The following PIK3R4 variants were observed in gnomAD, a reference collection of about 807,000 sequenced individuals.
PIK3R4 encodes the protein phosphoinositide-3-kinase regulatory subunit 4.
In PIK3R4, 46 loss-of-function variants were observed where a neutral mutation model predicts 136.5. The ratio of observed to expected loss-of-function variants is 0.34; its 90% CI spans 0.27 to 0.43. PIK3R4 has a LOEUF of 0.43. PIK3R4 is among the 20% of genes least tolerant of loss of function. The probability of loss-of-function intolerance (pLI) is 1.00; values close to 1 mark genes in which losing one functional copy is unlikely to be tolerated. For synonymous variants in PIK3R4, 557 were observed against 566.7 expected (o/e 0.98, Z 0.24); for missense variants, 1,331 against 1,649.5 (o/e 0.81, Z 3.35).
chr3:130,717,314 T>C (rs1261117025), intron 8 of PIK3R4, among the ~76,000 whole-genome samples: 1 of 152,066 alleles, frequency 6.6e-6, no homozygotes, highest in African/African-American at 2.4e-5. Context: ...ATGAAGCAAA[T>C]GAATAATTAG....
intron 2 of PIK3R4, 72 bp from the exon 3 acceptor site, chr3:130,736,074 G>A: frequency 7.9e-7 from 1 of 1,269,138 alleles, no homozygotes; most frequent in Non-Finnish European, 1.1e-6. Flanking sequence ...TGAGAACTCA[G>A]ACAGTTCATA....
rs546516700 is a variant in PIK3R4 at position 130,691,938 on chromosome 3, G to A, written c.3099-1284C>T. Among the ~76,000 whole-genome samples, 15 of 143,048 alleles carry A rather than the reference G, an allele frequency of 1.0e-4. No individual in the cohort carries two copies. The East Asian group carries it at 2.7e-3, about 26-fold the overall frequency. The allele number at this position is 143,048 out of a possible 152,430, so 93.8% of individuals were successfully genotyped here. ...CACCCAGGCTGGAGTGCAGTGGTGC[G>A]ATCTGGGCTCACCACAAGCTCTGCC... On this transcript the variant is annotated intron_variant, in intron 13 of 19. Transcript: ENST00000356763.
Position 130,733,886 on chromosome 3 carries a change from T to C in PIK3R4, c.1112A>G (p.Lys371Arg). ...TACCAAGATAACCAGCCCATTTTCC[T>C]TAGGCTCTCCTTCGGCTTTTTCTGG... ...DLPEKAEGEP[K>R]ENGLVILVSV... is the part of the protein sequence containing the mutation. Residue 371 changes from lysine (K) to arginine (R), a missense_variant, in exon 4 of 20, where the codon AAG (lysine) becomes AGG (arginine). Transcript: ENST00000356763. 1 of 1,614,166 alleles carries C rather than the reference T, an allele frequency of 6.2e-7. No individual in the cohort carries two copies. Among genetic ancestry groups the C allele is most frequent in the Non-Finnish European group, 8.5e-7 (1 of 1,179,978 alleles).
Position 130,744,746 on chromosome 3 carries a change from C to G in PIK3R4, c.473G>C (p.Ser158Thr). 6.2e-7 allele frequency: 1 copy of G among 1,614,242 alleles called. No homozygotes were observed. Among genetic ancestry groups the G allele is most frequent in the Non-Finnish European group, 8.5e-7 (1 of 1,180,044 alleles). ...DIKTENVMVT[S>T]WNWVLLTDFA... Reference sequence around the variant, plus strand: ...ATCAGTTAGAAGAACCCAATTCCAACTGGTGACCATCACATTCTCAGTCTT... The same window carrying G: ...ATCAGTTAGAAGAACCCAATTCCAAGTGGTGACCATCACATTCTCAGTCTT... The change falls in exon 2 of 20, where the codon AGT (serine) becomes ACT (threonine). Residue 158 changes from serine (S) to threonine (T), a missense_variant. Physicochemically the swap from Ser to Thr is moderately conservative, Grantham distance 58. Transcript: ENST00000356763.
chr3:130,694,093 C>CA (rs2107603403), intron 13 of PIK3R4, among the ~76,000 whole-genome samples: 1 of 152,126 alleles, frequency 6.6e-6, no homozygotes, highest in South Asian at 2.1e-4. Context: ...AGTTCTATAC[C>CA]ATGAATATAT....
chr3:130,680,911 G>A (rs1028116173), intron 18 of PIK3R4, 66 bp downstream of exon 18: 1 of 832,536 alleles, frequency 1.2e-6, no homozygotes, highest in Middle Eastern at 2.3e-4. Context: ...ACATTACAGT[G>A]CCATCAGTAT....
Position 130,734,051 on chromosome 3 carries a change from A to C in PIK3R4, c.947T>G (p.Phe316Cys). 6.2e-7 allele frequency: 1 copy of C among 1,614,158 alleles called. No individual in the cohort carries two copies. ...AAGAAAAGTGTAAAATATTTCAGGA[A>C]AGGCATTGCCACGCTGCTGTTTTAA... The part of the protein sequence containing the change: ...DYLKQQRGNA[F>C]PEIFYTFLQP... Residue 316 changes from phenylalanine to cysteine, a missense_variant, in exon 4 of 20, where the codon TTT becomes TGT. By Grantham distance (205) the Phe-to-Cys change is radical. Around this residue, in one of 2 missense-constraint regions of PIK3R4, gnomAD observed 1,180 missense variants for 1,407.0 expected, o/e 0.84. Coordinates refer to ENST00000356763, the MANE Select transcript of PIK3R4 (RefSeq NM_014602.3).
chr3:130,720,777 A>G (rs576674454), intron 7 of PIK3R4, among the ~76,000 whole-genome samples: 2 of 152,334 alleles, frequency 1.3e-5, no homozygotes, highest in African/African-American at 2.4e-5. Flanking sequence ...AAAAGCCCCA[A>G]TGAAGAGGGC....
intron 13 of PIK3R4, among the ~76,000 whole-genome samples, chr3:130,702,256 A>G (rs571306807): frequency 6.6e-6 from 1 of 152,238 alleles, no homozygotes; most frequent in Non-Finnish European, 1.5e-5. Flanking sequence ...TGGCAAGTAC[A>G]TGGATGTTCA....
chr3:130,693,504 G>A (rs2066529938), intron 13 of PIK3R4, among the ~76,000 whole-genome samples: 1 of 152,100 alleles, frequency 6.6e-6, no homozygotes, highest in South Asian at 2.1e-4. Context: ...TGGGTGTGAA[G>A]GAGTATCTCA....
chr3:130,697,454 G>A (rs1396736674), intron 13 of PIK3R4, among the ~76,000 whole-genome samples: 1 of 152,100 alleles, frequency 6.6e-6, no homozygotes, highest in African/African-American at 2.4e-5. Context: ...TAAATCTAAA[G>A]TGTGTCTATC....
At chr3:130,740,326 G>C (rs890854012) in intron 2 of PIK3R4, among the ~76,000 whole-genome samples, 1 of 152,186 alleles carries the variant, frequency 6.6e-6, no homozygotes, top group East Asian at 1.9e-4. Flanking sequence ...AATGCTATAA[G>C]AGACATTATT....
At chr3:130,705,806 G>A (rs4682629) in intron 11 of PIK3R4, 35 bp from the exon 12 acceptor site, 99,584 of 1,264,032 alleles carry the variant, frequency 0.079, 5,917 homozygotes, top group Admixed American at 0.28. Flanking sequence ...TATTTACGTC[G>A]TAAGCAAAGT....
In PIK3R4 at chr3:130,690,441, A is replaced by T. The variant is rs1187983057; in HGVS notation, c.3263+49T>A. ...GCAGGGTAGAAAGGAGACTTAAGGT[A>T]CTGTAGTGCACTAAATACAATGTTT... On this transcript the variant is annotated intron_variant, in intron 14 of 19. Transcript: ENST00000356763. The T allele has an allele frequency of 7.1e-6, 9 of 1,268,968 alleles. No homozygotes were observed. In the Admixed American group the frequency reaches 1.8e-4, roughly 25 times the overall value. The allele number at this position is 1,268,968 out of a possible 1,614,324, so 78.6% of individuals were successfully genotyped here.
chr3:130,727,518 C>T (rs1719071), intron 6 of PIK3R4, among the ~76,000 whole-genome samples: 66,903 of 152,022 alleles, frequency 0.44, 17,150 homozygotes, highest in African/African-American at 0.7. Context: ...CCACGGCGCC[C>T]GGCCCTTAAA....
Position 130,681,687 on chromosome 3 carries a change from ATTTC to A in PIK3R4, c.3608-100_3608-97del, listed in dbSNP as rs767593341. 5.8e-4 allele frequency: 399 copies of A among 693,130 alleles called. 3 individuals carry two copies. The East Asian group carries it at 7.1e-3, about 12-fold the overall frequency. 42.9% of individuals were successfully genotyped at this position (693,130 alleles called of 1,614,324 possible). On this transcript the variant is annotated intron_variant, in intron 16 of 19. Coordinates refer to ENST00000356763, the MANE Select transcript of PIK3R4 (RefSeq NM_014602.3). ...GCAGTCCTGAGAGAAAGAAAGAAAA[ATTTC>A]TTTCTTTCTTTCAGGGGGAGAGACA...
intron 2 of PIK3R4, among the ~76,000 whole-genome samples, chr3:130,736,662 A>T (rs1012305036): frequency 6.6e-6 from 1 of 151,818 alleles, no homozygotes; most frequent in Non-Finnish European, 1.5e-5. Flanking sequence ...AAAACAAGAA[A>T]CTTTTTTTTT....
At chr3:130,695,020 G>C (rs1576452565) in intron 13 of PIK3R4, among the ~76,000 whole-genome samples, 1 of 152,224 alleles carries the variant, frequency 6.6e-6, no homozygotes, top group East Asian at 1.9e-4. Flanking sequence ...CTTTCTGAGA[G>C]TTTGTTGAGA....
intron 10 of PIK3R4, among the ~76,000 whole-genome samples, chr3:130,707,949 T>C (rs1367017792): frequency 6.6e-6 from 1 of 152,188 alleles, no homozygotes; most frequent in Non-Finnish European, 1.5e-5. Context: ...ACACAAACTA[T>C]TGTTCTTGGG....
Sources: gnomAD v4.1 joint callset for allele counts (sites outside exome capture counted in the v4.1 genomes callset) on GRCh38, gnomAD v4.1.1 for gene constraint, gnomAD v4.1.1 regional missense constraint, MANE v1.5 for transcripts, NCBI Gene and HGNC (gene_info 2026-07-23, HGNC 2026-07-21) for gene names.